Variants in PDE1C observed in about 807,000 individuals in gnomAD.
PDE1C encodes the protein phosphodiesterase 1C, also known as dual specificity calcium/calmodulin-dependent 3',5'-cyclic nucleotide phosphodiesterase 1C.
A neutral mutation model predicts 93.1 loss-of-function variants in PDE1C; 62 were observed. The ratio of observed to expected loss-of-function variants is 0.67; its 90% CI spans 0.54 to 0.82. The LOEUF (loss-of-function observed/expected upper bound fraction) is 0.82. Ranked by LOEUF, PDE1C falls within the 40% of genes least tolerant of loss-of-function variation. The pLI is 0.00. For synonymous variants in PDE1C, 325 were observed against 310.1 expected, an observed-to-expected ratio of 1.05 and a Z score of -0.50; for missense variants, 742 against 884.6, an observed-to-expected ratio of 0.84 and a Z score of 2.04.
intron 1 of PDE1C, among the ~76,000 whole-genome samples, chr7:32,063,111 T>C (rs976031644): frequency 1.9e-4 from 29 of 152,176 alleles, no homozygotes; most frequent in African/African-American, 7.0e-4. Context: ...CCTCCAGAAA[T>C]AGAGTGTTGC....
At chr7:32,005,555 CAAA>C (rs59246166) in intron 2 of PDE1C, among the ~76,000 whole-genome samples, 20 of 50,758 alleles carry the variant, frequency 3.9e-4, no homozygotes, top group East Asian at 3.7e-3. Flanking sequence ...GACTCCATTT[CAAA>C]AAAAAAAAAA....
chr7:31,726,212 G>A, the PDE1C span, among the ~76,000 whole-genome samples: 35 of 151,530 alleles, frequency 2.3e-4, no homozygotes, highest in African/African-American at 8.3e-4. Flanking sequence ...AGGACTGCAG[G>A]TGTGCACCAA....
chr7:31,679,937 A>G, the PDE1C span, among the ~76,000 whole-genome samples: 1 of 152,194 alleles, frequency 6.6e-6, no homozygotes, highest in African/African-American at 2.4e-5. Flanking sequence ...CTTAGCTGGA[A>G]GAAAGCAAGC....
intron 17 of PDE1C, among the ~76,000 whole-genome samples, chr7:31,762,211 C>T (rs555246432): frequency 6.6e-6 from 1 of 152,322 alleles, no homozygotes; most frequent in South Asian, 2.1e-4. Flanking sequence ...AATTTAGCAA[C>T]TTTAACCCAA....
intron 1 of PDE1C, among the ~76,000 whole-genome samples, chr7:32,231,077 C>T (rs373357834): frequency 7.2e-5 from 11 of 152,290 alleles, no homozygotes; most frequent in Admixed American, 3.3e-4. Context: ...CATGATATTA[C>T]TAATGAGTTT....
chr7:31,726,583 T>A, the PDE1C span, among the ~76,000 whole-genome samples: 1 of 152,144 alleles, frequency 6.6e-6, no homozygotes, highest in Non-Finnish European at 1.5e-5. Context: ...AATAAGACCA[T>A]TCGTAGTCAT....
At chr7:31,875,835 A>ATGTAT (rs70989618) in intron 5 of PDE1C, among the ~76,000 whole-genome samples, 1 of 123,600 alleles carries the variant, frequency 8.1e-6, no homozygotes, top group Non-Finnish European at 1.7e-5. Context: ...ATATATATAT[A>ATGTAT]ATGGAAAAAG....
At chr7:32,221,965 G>T (rs1013358228) in intron 1 of PDE1C, among the ~76,000 whole-genome samples, 5 of 152,164 alleles carry the variant, frequency 3.3e-5, no homozygotes, top group Admixed American at 6.5e-5. Flanking sequence ...GAGATGCTCA[G>T]ATCTGAGATA....
chr7:32,001,836 G>A (rs1161940858), intron 2 of PDE1C, among the ~76,000 whole-genome samples: 1 of 152,182 alleles, frequency 6.6e-6, no homozygotes, highest in Non-Finnish European at 1.5e-5. Context: ...AAGGCAGGTG[G>A]ATTGCTTGAG....
chr7:32,298,004 CT>C lies in PDE1C; in HGVS notation c.85+646del, dbSNP rs1251362458. Among the ~76,000 whole-genome samples, 24 of 43,610 alleles carry C rather than the reference CT, an allele frequency of 5.5e-4. 1 individual carries two copies. The highest frequency in any genetic ancestry group is 3.7e-3 in the East Asian group (3 of 802). 28.6% of individuals were successfully genotyped at this position (43,610 alleles called of 152,430 possible). On this transcript the variant is annotated intron_variant, in intron 1 of 18. Transcript: ENST00000396193. ...CTCTCTCTCTCTCTCTCTCCTCTCTCTCTCTCTCTCTCCCTCTCTCTCTCTC... is the reference window on the plus strand; with the variant it reads ...CTCTCTCTCTCTCTCTCTCCTCTCTCCTCTCTCTCTCCCTCTCTCTCTCTC...
chr7:31,662,557 A>C, the PDE1C span, among the ~76,000 whole-genome samples: 3 of 151,050 alleles, frequency 2.0e-5, no homozygotes, highest in African/African-American at 7.4e-5. Context: ...TGTGTTGTAT[A>C]AGTGTATGTG....
At chr7:32,243,270 A>C (rs146898389) in intron 1 of PDE1C, among the ~76,000 whole-genome samples, 1 of 152,314 alleles carries the variant, frequency 6.6e-6, no homozygotes, top group African/African-American at 2.4e-5. Flanking sequence ...TCCCTCCATA[A>C]CTAGGGGGTT....
At chr7:31,903,661 A>G (rs1800250106) in intron 2 of PDE1C, among the ~76,000 whole-genome samples, 1 of 152,092 alleles carries the variant, frequency 6.6e-6, no homozygotes, top group African/African-American at 2.4e-5. Context: ...AAATATCAGG[A>G]TAGTCTATTC....
intron 7 of PDE1C, among the ~76,000 whole-genome samples, chr7:31,863,549 TA>T (rs5883318): frequency 6.6e-6 from 1 of 152,220 alleles, no homozygotes; most frequent in Admixed American, 6.5e-5. Context: ...TTTATTGAGT[TA>T]AAAATGTTCC....
At chr7:31,723,395 T>C in the PDE1C span, among the ~76,000 whole-genome samples, 5 of 152,166 alleles carry the variant, frequency 3.3e-5, no homozygotes, top group Non-Finnish European at 7.3e-5. Context: ...TAAGTCAGGA[T>C]TGGTCCCCTC....
intron 6 of PDE1C, among the ~76,000 whole-genome samples, chr7:31,866,644 A>G (rs566721104): frequency 9.8e-5 from 15 of 152,300 alleles, no homozygotes; most frequent in African/African-American, 3.6e-4. Flanking sequence ...CCTCCACAAA[A>G]AAGAACCAAA....
At chr7:31,981,654 C>T (rs1182419573) in intron 2 of PDE1C, among the ~76,000 whole-genome samples, 1 of 152,156 alleles carries the variant, frequency 6.6e-6, no homozygotes, top group African/African-American at 2.4e-5. Context: ...TGTCTTCCCA[C>T]TTTTAAAGCA....
intron 1 of PDE1C, among the ~76,000 whole-genome samples, chr7:32,396,203 G>A (rs1202923528): frequency 6.6e-6 from 1 of 152,156 alleles, no homozygotes; most frequent in Admixed American, 6.6e-5. Flanking sequence ...ATGTAGCCAG[G>A]TGCAGTGGCT....
chr7:32,320,368 G>A lies in PDE1C; in HGVS notation c.310+107454C>T, dbSNP rs548378980. ...CACACTGGGGCCTGTGGGAGGAGTG[G>A]GAGGAGGGAGAGCATCAGGAAGAAT... On this transcript the variant is annotated intron_variant, in intron 1 of 1. Coordinates refer to the PDE1C transcript ENST00000672256. 2.6e-5 allele frequency among the ~76,000 whole-genome samples: 4 copies of A among 152,222 alleles called. No individual in the cohort carries two copies. In the East Asian group the frequency reaches 7.7e-4, roughly 29 times the overall value.
Sources: allele counts gnomAD v4.1 joint callset (sites outside exome capture counted in the v4.1 genomes callset), GRCh38; gene constraint gnomAD v4.1.1; transcripts MANE v1.5; gene names NCBI Gene and HGNC (gene_info 2026-07-23, HGNC 2026-07-21).